Variants in ZKSCAN1 observed in about 807,000 individuals in gnomAD.
The protein encoded by ZKSCAN1 is zinc finger protein with KRAB and SCAN domains 1.
Under a neutral mutation model 51.6 loss-of-function variants are expected in ZKSCAN1, and 14 were observed. The observed-to-expected ratio is 0.27, with a 90% CI of 0.18 to 0.42. The LOEUF is 0.42. ZKSCAN1 is among the 10% of genes least tolerant of loss of function. The pLI is 1.00. For missense variants in ZKSCAN1, 531 were observed against 710.0 expected (o/e 0.75, Z 2.86); for synonymous variants, 263 against 261.5 (o/e 1.01, Z -0.06).
In ZKSCAN1 at chr7:100,038,451, A is replaced by G; in HGVS notation, c.*4254A>G. 1 of 985,468 alleles carries G rather than the reference A, an allele frequency of 1.0e-6. No homozygotes were observed. The highest frequency in any genetic ancestry group is 1.2e-6 in the Non-Finnish European group (1 of 829,934). The allele number at this position is 985,468 out of a possible 1,614,324, so 61.0% of individuals were successfully genotyped here. On this transcript the variant is annotated 3_prime_UTR_variant, in exon 6 of 6. Transcript: ENST00000324306. ...CTGAGGAAAGACAGGCTAATGGGGCACTGAAATGGAACAACTCCTTTAAAC... is the reference window on the plus strand; with the variant it reads ...CTGAGGAAAGACAGGCTAATGGGGCGCTGAAATGGAACAACTCCTTTAAAC...
chr7:100,028,644 G>C (rs1335390594), intron 3 of ZKSCAN1, among the ~76,000 whole-genome samples: 2 of 152,234 alleles, frequency 1.3e-5, no homozygotes, highest in African/African-American at 4.8e-5. Flanking sequence ...CTTGGCAAGA[G>C]ATGGGGAGGG....
At chr7:100,029,667 C>G (rs1343140407) in intron 3 of ZKSCAN1, among the ~76,000 whole-genome samples, 194 bp from the exon 4 acceptor site, 1 of 152,174 alleles carries the variant, frequency 6.6e-6, no homozygotes, top group Non-Finnish European at 1.5e-5. Flanking sequence ...TTTTATGACT[C>G]CTGCTCAAGA....
At chr7:100,041,789 G>T, downstream of ZKSCAN1, 4 of 959,614 alleles carry the variant, frequency 4.2e-6, no homozygotes, top group Non-Finnish European at 5.0e-6. Context: ...AAAGTTAAAA[G>T]ACTGGAGCTG....
At chr7:100,021,650 A>T (rs1790591753) in intron 1 of ZKSCAN1, among the ~76,000 whole-genome samples, 1 of 151,846 alleles carries the variant, frequency 6.6e-6, no homozygotes, top group African/African-American at 2.4e-5. Context: ...CTTACTCTAG[A>T]TAGAAGCTTC....
rs1427120498 is a variant in ZKSCAN1 at position 100,040,578 on chromosome 7, G to A, written c.*6381G>A. ...TTTAAGTTCCTTTGGTCCAGGGAAGGGTCCAAGCAGCCACAGTTGCCCTAA... is the reference window on the plus strand; with the variant it reads ...TTTAAGTTCCTTTGGTCCAGGGAAGAGTCCAAGCAGCCACAGTTGCCCTAA... On this transcript the variant is annotated 3_prime_UTR_variant, in exon 6 of 6. Coordinates refer to ENST00000324306, the MANE Select transcript of ZKSCAN1 (RefSeq NM_003439.4). 1.0e-6 allele frequency: 1 copy of A among 985,294 alleles called. No homozygotes were observed. The allele number at this position is 985,294 out of a possible 1,614,324, so 61.0% of individuals were successfully genotyped here.
rs1791441755 is a variant in ZKSCAN1, at chr7:100,038,119, G to A, written c.*3922G>A. ...ATGCTTTAAAAAAATAGCAAAATGTGCAACTTCTTACAAAAATTGTTAACG... is the reference window on the plus strand; with the variant it reads ...ATGCTTTAAAAAAATAGCAAAATGTACAACTTCTTACAAAAATTGTTAACG... On this transcript the variant is annotated 3_prime_UTR_variant, in exon 6 of 6. Coordinates refer to ENST00000324306, the MANE Select transcript of ZKSCAN1 (RefSeq NM_003439.4). 6.1e-6 allele frequency: 6 copies of A among 985,132 alleles called. No individual in the cohort carries two copies. In the South Asian group the frequency reaches 2.8e-4, roughly 46 times the overall value. 61.0% of individuals were successfully genotyped at this position (985,132 alleles called of 1,614,324 possible).
rs1791034547 is a variant in ZKSCAN1 at position 100,029,934 on chromosome 7, A to G, written c.654A>G (p.Leu218=). The change falls in exon 4 of 6, where the codon CTA becomes CTG. Residue 218 remains leucine (L), a synonymous_variant. Transcript: ENST00000324306. ...SPRDQAMASA[L]FTADSQAMVK... The stretch of plus-strand genomic sequence containing the variant: ...GAGACCAGGCGATGGCATCTGCACT[A>G]TTCACAGCGGATTCCCAGGTGAGCT... The G allele has an allele frequency of 2.5e-6, 4 of 1,613,940 alleles. No individual in the cohort carries two copies. The highest frequency in any genetic ancestry group is 3.4e-6 in the Non-Finnish European group (4 of 1,179,994).
chr7:100,044,887 C>T, downstream of ZKSCAN1: 1 of 985,254 alleles, frequency 1.0e-6, no homozygotes. Flanking sequence ...GCCCAGCCTG[C>T]TCTAAGGGAA....
Position 100,034,165 on chromosome 7 carries a change from G to T in ZKSCAN1, c.1660G>T (p.Ala554Ser). 1 of 1,519,868 alleles carries T rather than the reference G, an allele frequency of 6.6e-7. No individual in the cohort carries two copies. 94.1% of individuals were successfully genotyped at this position (1,519,868 alleles called of 1,614,324 possible). ...TGAGTACAGCCCAGCCTCCCTTGAT[G>T]CATTTGGCGCGTTCCTGAAAAGTTG... ...ASEYSPASLD[A>S]FGAFLKSCV The change falls in exon 6 of 6, where the codon GCA becomes TCA. Residue 554 changes from alanine (A) to serine (S), a missense_variant. By Grantham distance (99) the Ala-to-Ser change is moderately conservative (BLOSUM62 1). Coordinates refer to ENST00000324306, the MANE Select transcript of ZKSCAN1 (RefSeq NM_003439.4).
At chr7:100,042,629 A>C (rs563174336), downstream of ZKSCAN1, among the ~76,000 whole-genome samples, 1 of 152,000 alleles carries the variant, frequency 6.6e-6, no homozygotes, top group Admixed American at 6.6e-5. Flanking sequence ...GGGCTTCCAC[A>C]ATCTTCTCCT....
At position 100,015,602 on chromosome 7, in the gene ZKSCAN1, C is replaced by T. The variant is rs1048760909; in HGVS notation, c.-213C>T. 1 of 152,278 alleles carries T rather than the reference C, an allele frequency of 6.6e-6. No homozygotes were observed. The highest frequency in any genetic ancestry group is 2.4e-5 in the African/African-American group (1 of 41,456). The allele number at this position is 152,278 out of a possible 1,614,324, so 9.4% of individuals were successfully genotyped here. A position where few individuals can be genotyped will look rare whatever the true frequency, so the allele number is the denominator to read the frequency against. ...TGACACGCTTCCGGCCTTTGTGACTCATTGTGTCTGTGTCGAGGCGTCGGG... is the reference window on the plus strand; with the variant it reads ...TGACACGCTTCCGGCCTTTGTGACTTATTGTGTCTGTGTCGAGGCGTCGGG... On this transcript the variant is annotated 5_prime_UTR_variant, in exon 1 of 6. Transcript: ENST00000324306.
In ZKSCAN1 at chr7:100,024,252, C is replaced by T; in HGVS notation, c.525C>T (p.Ala175=). ...CGAGCTTTGACCTTCATCACGAGGC[C>T]ACCCAGTCCCACTTCAAACATTCGT... The part of the protein sequence containing the change: ...ESSSFDLHHE[A]TQSHFKHSSR... The change falls in exon 3 of 6, where the codon GCC becomes GCT. Residue 175 remains alanine, a synonymous_variant. Coordinates refer to ENST00000324306, the MANE Select transcript of ZKSCAN1 (RefSeq NM_003439.4). The T allele has an allele frequency of 6.2e-7, 1 of 1,614,060 alleles. No individual in the cohort carries two copies. Among genetic ancestry groups the T allele is most frequent in the African/African-American group, 1.3e-5 (1 of 75,004 alleles).
intron 5 of ZKSCAN1, among the ~76,000 whole-genome samples, chr7:100,031,998 G>C (rs1213001918): frequency 6.6e-6 from 1 of 152,188 alleles, no homozygotes; most frequent in Non-Finnish European, 1.5e-5. Flanking sequence ...AGGATCACTT[G>C]AGCCCAGGAG....
rs1313841539 is a variant in ZKSCAN1 at position 100,035,417 on chromosome 7, CATT to C, written c.*1221_*1223del. ...GAAAAATATGAACACTGATGAAGGT[CATT>C]TTTTTTTTTTGACATCTTTCTGTGG... On this transcript the variant is annotated 3_prime_UTR_variant, in exon 6 of 6. Transcript: ENST00000324306. The C allele has an allele frequency of 1.3e-5, 2 of 151,522 alleles. No homozygotes were observed. Among genetic ancestry groups the C allele is most frequent in the African/African-American group, 4.9e-5 (2 of 41,102 alleles). The allele number at this position is 151,522 out of a possible 1,614,324, so 9.4% of individuals were successfully genotyped here.
intron 1 of ZKSCAN1, 87 bp from the exon 2 acceptor site, chr7:100,023,332 C>A: frequency 2.9e-6 from 2 of 694,462 alleles, no homozygotes; most frequent in Non-Finnish European, 4.6e-6. Context: ...CTGATAGTGC[C>A]TCGATGTGCT....
chr7:100,022,048 A>C (rs1298423944), intron 1 of ZKSCAN1, among the ~76,000 whole-genome samples: 1 of 152,030 alleles, frequency 6.6e-6, no homozygotes, highest in East Asian at 1.9e-4. Context: ...TGGCCACAAG[A>C]ATCTTTAAAG....
chr7:100,034,549 G>A lies in ZKSCAN1; in HGVS notation c.*352G>A. 1 of 1,015,206 alleles carries A rather than the reference G, an allele frequency of 9.9e-7. No homozygotes were observed. The highest frequency in any genetic ancestry group is 4.8e-4 in the Middle Eastern group (1 of 2,070). The allele number at this position is 1,015,206 out of a possible 1,614,324, so 62.9% of individuals were successfully genotyped here. A position where few individuals can be genotyped will look rare whatever the true frequency, so the allele number is the denominator to read the frequency against. ...CACAACATAATAGTTGAAAGATCAA[G>A]ATTGGCTCCACGAAAGTGATACGGA... On this transcript the variant is annotated 3_prime_UTR_variant, in exon 6 of 6. Coordinates refer to ENST00000324306, the MANE Select transcript of ZKSCAN1 (RefSeq NM_003439.4).
At position 100,033,035 on chromosome 7, in the gene ZKSCAN1, G is replaced by A. The variant is rs554862938; in HGVS notation, c.800-270G>A. Among the ~76,000 whole-genome samples, 1 of 151,774 alleles carries A rather than the reference G, an allele frequency of 6.6e-6. No homozygotes were observed. Among genetic ancestry groups the A allele is most frequent in the African/African-American group, 2.4e-5 (1 of 41,370 alleles). On this transcript the variant is annotated intron_variant, in intron 5 of 5. Transcript: ENST00000324306. The surrounding 1 kb of genome is among the most constrained non-coding windows in gnomAD (Gnocchi z 4.1). ...AAAAAAAAAAAAGTTACCCGGGCGT[G>A]GTAGCATGCACCTATAGTCCCAGCT...
chr7:100,041,701 GGTTTGTTTTTTGTTCTTT>G, downstream of ZKSCAN1: 1 of 985,306 alleles, frequency 1.0e-6, no homozygotes, highest in African/African-American at 1.7e-5. Flanking sequence ...TGCTTGTGCT[GGTTTGTTTTTTGTTCTTT>G]GTTTTTCTCA....
Sources: gnomAD v4.1 joint callset for allele counts (sites outside exome capture counted in the v4.1 genomes callset) on GRCh38, gnomAD v4.1.1 for gene constraint, Gnocchi (gnomAD v3.1) non-coding constraint, MANE v1.5 for transcripts, NCBI Gene and HGNC (gene_info 2026-07-23, HGNC 2026-07-21) for gene names.